BEND6: variants seen among roughly 807,000 people sequenced by gnomAD.
The protein encoded by BEND6 is BEN domain-containing protein 6.
In BEND6, 24 loss-of-function variants were observed where a neutral mutation model predicts 31.8. The ratio of observed to expected loss-of-function variants is 0.75; its 90% CI spans 0.55 to 1.06. BEND6 has a LOEUF of 1.06. Ranked by LOEUF, BEND6 falls within the 50% of genes least tolerant of loss-of-function variation. The pLI, the probability that BEND6 is intolerant of heterozygous loss-of-function variation, is 0.00. For synonymous variants in BEND6, 109 were observed against 114.6 expected, an observed-to-expected ratio of 0.95 and a Z score of 0.31; for missense variants, 294 against 327.4, an observed-to-expected ratio of 0.90 and a Z score of 0.79.
chr6:56,998,164 G>T (rs1023032273), intron 3 of BEND6, among the ~76,000 whole-genome samples: 1 of 152,296 alleles, frequency 6.6e-6, no homozygotes, highest in East Asian at 1.9e-4. Flanking sequence ...TTGTAAAGCT[G>T]CAGTTGGGAA....
Position 57,015,119 on chromosome 6 carries a change from T to C in BEND6, c.299-14T>C, listed in dbSNP as rs1276461497. On this transcript the variant is annotated splice_polypyrimidine_tract_variant and intron_variant, in intron 3 of 6. Transcript: ENST00000370746. ...AATGGTATTTGTAAAGTGTACTTTT[T>C]CTTGCCATTTTAGTGTTACCACAAG... 6.2e-7 allele frequency: 1 copy of C among 1,608,002 alleles called. No individual in the cohort carries two copies.
At chr6:57,012,433 G>A (rs1827379691) in intron 3 of BEND6, among the ~76,000 whole-genome samples, 1 of 152,192 alleles carries the variant, frequency 6.6e-6, no homozygotes, top group African/African-American at 2.4e-5. Flanking sequence ...GATTTAGACA[G>A]GATGTAAAGG....
intron 3 of BEND6, 81 bp downstream of exon 3, chr6:56,992,636 A>T: frequency 7.0e-7 from 1 of 1,423,840 alleles, no homozygotes. Flanking sequence ...AGCTGTCAAG[A>T]ATGAAGAAGA....
At chr6:56,965,831 A>C (rs921254806) in intron 1 of BEND6, among the ~76,000 whole-genome samples, 2 of 151,892 alleles carry the variant, frequency 1.3e-5, no homozygotes, top group Non-Finnish European at 2.9e-5. Context: ...ATAAGCATTG[A>C]TTCTTGGATC....
At chr6:57,014,642 G>A in intron 3 of BEND6, 1 of 753,820 alleles carries the variant, frequency 1.3e-6, no homozygotes, top group Non-Finnish European at 2.0e-6. Context: ...ATAATTTGAT[G>A]AAATTTGACT....
intron 1 of BEND6, among the ~76,000 whole-genome samples, chr6:56,979,190 T>C (rs1394721948): frequency 6.6e-6 from 1 of 152,140 alleles, no homozygotes; most frequent in East Asian, 1.9e-4. Flanking sequence ...TAACCTTTAA[T>C]TGGGAGTAAT....
chr6:57,020,833 G>GTT (rs74271470), intron 6 of BEND6, among the ~76,000 whole-genome samples: 1,669 of 137,630 alleles, frequency 0.012, 22 homozygotes, highest in African/African-American at 0.03. Context: ...CTAAACTCTT[G>GTT]TTTTTTTTTT....
chr6:57,020,641 C>T (rs1282269356), intron 6 of BEND6, among the ~76,000 whole-genome samples: 1 of 151,928 alleles, frequency 6.6e-6, no homozygotes, highest in South Asian at 2.1e-4. Flanking sequence ...AGGCTGGTCT[C>T]GAACTCCTGA....
chr6:56,966,037 G>C (rs1187987464), intron 1 of BEND6, among the ~76,000 whole-genome samples: 1 of 152,120 alleles, frequency 6.6e-6, no homozygotes, highest in African/African-American at 2.4e-5. Context: ...TCCTAAAATA[G>C]AACTTGTAAT....
intron 2 of BEND6, among the ~76,000 whole-genome samples, chr6:56,983,795 A>G (rs1055614171): frequency 2.0e-4 from 30 of 152,132 alleles, no homozygotes; most frequent in African/African-American, 6.0e-4. Context: ...CATCTGATCC[A>G]TTGCTTCTAG....
intron 3 of BEND6, among the ~76,000 whole-genome samples, chr6:57,001,091 C>G (rs1014946939): frequency 6.7e-6 from 1 of 150,180 alleles, no homozygotes. Context: ...ACATCCTATA[C>G]AAAATGAACA....
At chr6:56,988,231 T>C (rs1365357105) in intron 2 of BEND6, among the ~76,000 whole-genome samples, 1 of 152,056 alleles carries the variant, frequency 6.6e-6, no homozygotes, top group Non-Finnish European at 1.5e-5. Flanking sequence ...TTGGCCAGGA[T>C]GGTCTCGATT....
At chr6:56,989,635 T>G (rs977598317) in intron 2 of BEND6, among the ~76,000 whole-genome samples, 21 of 152,228 alleles carry the variant, frequency 1.4e-4, no homozygotes, top group Non-Finnish European at 2.5e-4. Flanking sequence ...CCCATTCATA[T>G]TTTTGCCCCA....
intron 3 of BEND6, chr6:57,009,746 TGAC>T (rs749232476): frequency 1.3e-5 from 2 of 152,178 alleles, no homozygotes; most frequent in Non-Finnish European, 2.9e-5. Context: ...TGAATAAGAA[TGAC>T]AACCACAATA....
intron 1 of BEND6, among the ~76,000 whole-genome samples, chr6:56,964,112 A>G (rs926601380): frequency 1.3e-5 from 2 of 151,286 alleles, no homozygotes; most frequent in East Asian, 1.9e-4. Context: ...TATTATTCCC[A>G]TTTCACAGAT....
chr6:56,992,231 G>A (rs1826531289), intron 2 of BEND6, 147 bp from the exon 3 acceptor site: 1 of 834,756 alleles, frequency 1.2e-6, no homozygotes, highest in Admixed American at 2.9e-5. Context: ...TCTGCCTGCT[G>A]GAGGACAAAG....
chr6:57,023,434 C>A (rs910386768), intron 6 of BEND6, among the ~76,000 whole-genome samples: 1 of 152,152 alleles, frequency 6.6e-6, no homozygotes, highest in Admixed American at 6.5e-5. Flanking sequence ...GATATAACTA[C>A]TTCTGCTCTT....
rs528085006 is a variant in BEND6 at position 57,024,602 on chromosome 6, T to C, written c.*10-1480T>C. ...CCAGGTGAATTTGAATTCCTTTATA[T>C]GTTAGTTGCTTCTTCTCTCTGGCTC... On this transcript the variant is annotated intron_variant, in intron 6 of 6. Coordinates refer to ENST00000370746, the MANE Select transcript of BEND6 (RefSeq NM_152731.3). Among the ~76,000 whole-genome samples the C allele has an allele frequency of 4.9e-4, 74 of 152,300 alleles. 1 individual carries two copies. The highest frequency in any genetic ancestry group is 1.7e-3 in the African/African-American group (70 of 41,570).
chr6:56,989,208 C>G (rs1404447125), intron 2 of BEND6, among the ~76,000 whole-genome samples: 4 of 149,836 alleles, frequency 2.7e-5, no homozygotes, highest in African/African-American at 4.9e-5. Context: ...TTTATCTGTT[C>G]TTAAACTTTA....
Sources: allele counts gnomAD v4.1 joint callset (sites outside exome capture counted in the v4.1 genomes callset), GRCh38; gene constraint gnomAD v4.1.1; transcripts MANE v1.5; gene names NCBI Gene and HGNC (gene_info 2026-07-23, HGNC 2026-07-21).